BAZ2B: variants seen among roughly 807,000 people sequenced by gnomAD.
BAZ2B encodes the protein bromodomain adjacent to zinc finger domain protein 2B.
BAZ2B carries 91 observed loss-of-function variants against 246.0 expected under a neutral mutation model. The observed-to-expected ratio is 0.37, with a 90% CI of 0.31 to 0.44. The LOEUF is 0.44. Ranked by LOEUF, BAZ2B falls within the 20% of genes least tolerant of loss-of-function variation. The pLI, the probability that BAZ2B is intolerant of heterozygous loss-of-function variation, is 1.00. For synonymous variants in BAZ2B, 855 were observed against 860.0 expected, an observed-to-expected ratio of 0.99 and a Z score of 0.10; for missense variants, 2,332 against 2,533.7, an observed-to-expected ratio of 0.92 and a Z score of 1.71.
At chr2:159,491,249 G>T (rs1403916615) in intron 2 of BAZ2B, among the ~76,000 whole-genome samples, 1 of 152,216 alleles carries the variant, frequency 6.6e-6, no homozygotes, top group African/African-American at 2.4e-5. Context: ...CAACCAAATT[G>T]CTTATAGATT....
chr2:159,494,615 G>A (rs1311411503), intron 2 of BAZ2B, among the ~76,000 whole-genome samples: 2 of 152,126 alleles, frequency 1.3e-5, no homozygotes, highest in African/African-American at 4.8e-5. Context: ...TAACCTTCCA[G>A]TCTATGACAA....
intron 3 of BAZ2B, among the ~76,000 whole-genome samples, chr2:159,468,314 C>T (rs935997759): frequency 1.1e-4 from 17 of 148,684 alleles, no homozygotes; most frequent in African/African-American, 3.7e-4. Flanking sequence ...AGAAGAAAAA[C>T]AACAACAACA....
the BAZ2B span, among the ~76,000 whole-genome samples, chr2:159,710,296 C>T: frequency 6.6e-6 from 1 of 151,456 alleles, no homozygotes; most frequent in East Asian, 1.9e-4. Context: ...GCAACTTCTG[C>T]CTCCTGGGTT....
chr2:159,453,567 C>A, intron 4 of BAZ2B, 46 bp downstream of exon 4: 1 of 1,517,730 alleles, frequency 6.6e-7, no homozygotes. Flanking sequence ...TGAACATTCT[C>A]AAGCTTTCCT....
chr2:159,349,154 T>C lies in BAZ2B; in HGVS notation c.4990A>G (p.Asn1664Asp). 6.2e-7 allele frequency: 1 copy of C among 1,614,120 alleles called. No individual in the cohort carries two copies. The highest frequency in any genetic ancestry group is 8.5e-7 in the Non-Finnish European group (1 of 1,179,998). ...TTGGAAGTCAAGAATGAATTACCAT[T>C]TCCTTCTGATAACCCTAACCCCGAT... ...LGSGLGLSEG[N>D]GNSFLTSNVA... Residue 1664 changes from asparagine to aspartate, a missense_variant, in exon 29 of 37, where the codon AAT becomes GAT. By Grantham distance (23) the Asn-to-Asp change is conservative (BLOSUM62 1). This residue lies in a region of BAZ2B where 676 missense variants were observed against 668.6 expected (regional missense o/e 1.01). Coordinates refer to ENST00000392783, the MANE Select transcript of BAZ2B (RefSeq NM_013450.4).
chr2:159,375,959 C>T (rs968649321), intron 25 of BAZ2B, among the ~76,000 whole-genome samples: 7 of 152,114 alleles, frequency 4.6e-5, no homozygotes, highest in African/African-American at 1.4e-4. Context: ...TAATTCCTAA[C>T]ATGCATAGTC....
intron 27 of BAZ2B, among the ~76,000 whole-genome samples, chr2:159,353,479 A>G (rs974875457): frequency 6.6e-6 from 1 of 152,228 alleles, no homozygotes; most frequent in Non-Finnish European, 1.5e-5. Flanking sequence ...CAAACTCCCT[A>G]AGATGAGAAG....
At chr2:159,605,121 G>C (rs1020633133) in intron 1 of BAZ2B, among the ~76,000 whole-genome samples, 3 of 152,070 alleles carry the variant, frequency 2.0e-5, no homozygotes, top group African/African-American at 7.2e-5. Context: ...TTGAGCTCCT[G>C]GGTTCGAGCA....
chr2:159,391,834 T>C (rs1214405254), intron 20 of BAZ2B, among the ~76,000 whole-genome samples: 2 of 152,210 alleles, frequency 1.3e-5, no homozygotes, highest in African/African-American at 4.8e-5. Context: ...GTGTGACCTT[T>C]ATCAGTTAAA....
chr2:159,514,741 C>T (rs1368233618), intron 2 of BAZ2B, among the ~76,000 whole-genome samples: 8 of 152,072 alleles, frequency 5.3e-5, no homozygotes. Context: ...AATAATGGTA[C>T]CTCCACCTCA....
intron 14 of BAZ2B, 41 bp from the exon 15 acceptor site, chr2:159,405,155 G>A: frequency 6.5e-7 from 1 of 1,531,262 alleles, no homozygotes; most frequent in Non-Finnish European, 9.0e-7. Flanking sequence ...ACAACTTTGT[G>A]TAACTACTAA....
chr2:159,689,372 C>CTTTTT, the BAZ2B span: 1 of 165,584 alleles, frequency 6.0e-6, no homozygotes, highest in Non-Finnish European at 1.1e-5. Flanking sequence ...TTTTACTTTC[C>CTTTTT]TTTTTTTTTT....
At chr2:159,517,703 T>C (rs1163022150) in intron 2 of BAZ2B, among the ~76,000 whole-genome samples, 1 of 152,128 alleles carries the variant, frequency 6.6e-6, no homozygotes, top group Non-Finnish European at 1.5e-5. Flanking sequence ...AACAGAATGA[T>C]AACAAATAAC....
intron 27 of BAZ2B, among the ~76,000 whole-genome samples, chr2:159,367,424 TAATTA>T (rs1403264014): frequency 6.6e-6 from 1 of 152,232 alleles, no homozygotes; most frequent in African/African-American, 2.4e-5. Context: ...GAATTTAATT[TAATTA>T]ATATTTTTCT....
chr2:159,673,578 T>A, the BAZ2B span, among the ~76,000 whole-genome samples: 1 of 152,162 alleles, frequency 6.6e-6, no homozygotes, highest in African/African-American at 2.4e-5. Flanking sequence ...GCATTATTTG[T>A]AATTGCAAAC....
rs1216910451 is a variant in BAZ2B at position 159,382,544 on chromosome 2, C to A, written c.4005+15G>T. 3 of 1,546,096 alleles carry A rather than the reference C, an allele frequency of 1.9e-6. No homozygotes were observed. The highest frequency in any genetic ancestry group is 2.6e-6 in the Non-Finnish European group (3 of 1,145,660). ...GCAGTTCTAGTTGTCTTAAAATCAA[C>A]CTAAATTTCATTACCTCATCTTCAC... On this transcript the variant is annotated intron_variant, in intron 25 of 36. Coordinates refer to ENST00000392783, the MANE Select transcript of BAZ2B (RefSeq NM_013450.4).
chr2:159,336,050 A>G (rs1180886769), intron 33 of BAZ2B, among the ~76,000 whole-genome samples: 4 of 152,218 alleles, frequency 2.6e-5, no homozygotes, highest in Middle Eastern at 3.4e-3. Flanking sequence ...AATCCCAGTT[A>G]CTCAGGAGGC....
intron 3 of BAZ2B, chr2:159,458,593 G>C (rs965641077): frequency 1.3e-5 from 2 of 152,608 alleles, no homozygotes; most frequent in African/African-American, 4.8e-5. Flanking sequence ...CCAAAGTGCT[G>C]GGATTACAGG....
intron 20 of BAZ2B, among the ~76,000 whole-genome samples, chr2:159,390,318 C>A (rs912844377): frequency 5.9e-5 from 9 of 152,018 alleles, no homozygotes; most frequent in African/African-American, 2.2e-4. Context: ...CTTTTCTAAT[C>A]TTACCTCTCA....
Sources: allele counts gnomAD v4.1 joint callset (sites outside exome capture counted in the v4.1 genomes callset), GRCh38; gene constraint gnomAD v4.1.1; regional missense constraint gnomAD v4.1.1; transcripts MANE v1.5; gene names NCBI Gene and HGNC (gene_info 2026-07-23, HGNC 2026-07-21).